The following MRC2 variants were observed in gnomAD, a reference collection of about 807,000 sequenced individuals.
MRC2 encodes mannose receptor C-type 2.
MRC2 carries 84 observed loss-of-function variants against 206.2 expected under a neutral mutation model. The ratio of observed to expected loss-of-function variants is 0.41; its 90% CI spans 0.34 to 0.49. The LOEUF is 0.49. Among genes scored for constraint, MRC2 ranks in the 20% least tolerant of loss-of-function variants. MRC2 has a pLI of 0.31. For synonymous variants in MRC2, 798 were observed against 800.0 expected, an observed-to-expected ratio of 1.00 and a Z score of 0.04; for missense variants, 1,676 against 2,001.5, an observed-to-expected ratio of 0.84 and a Z score of 3.10.
chr17:62,692,444 A>G lies in MRC2; in HGVS notation c.4433A>G (p.Gln1478Arg). The change falls in exon 30 of 30, where the codon CAA (glutamine) becomes CGA (arginine). Residue 1478 changes from glutamine to arginine, a missense_variant. Physicochemically the swap from Gln to Arg is conservative, Grantham distance 43 (BLOSUM62 1). This residue lies in a region of MRC2 where 1,354 missense variants were observed against 1,636.6 expected (regional missense o/e 0.83). Coordinates refer to ENST00000303375, the MANE Select transcript of MRC2 (RefSeq NM_006039.5). This position sits in a 1 kb window ranked among gnomAD's most constrained non-coding sequence, Gnocchi z 4.2. Reference sequence around the variant, plus strand: ...TCAGACATGGAAATGAATGAGCAACAAGAATAGAGCCAGGCGCGTGGGCAG... The same window carrying G: ...TCAGACATGGAAATGAATGAGCAACGAGAATAGAGCCAGGCGCGTGGGCAG... ...LVSDMEMNEQ[Q>R]E The G allele has an allele frequency of 6.4e-7, 1 of 1,559,112 alleles. No homozygotes were observed. The highest frequency in any genetic ancestry group is 8.7e-7 in the Non-Finnish European group (1 of 1,151,022).
intron 1 of MRC2, among the ~76,000 whole-genome samples, chr17:62,635,766 A>G (rs902808355): frequency 1.3e-5 from 2 of 152,004 alleles, no homozygotes; most frequent in Non-Finnish European, 2.9e-5. Context: ...CTGGGGCAAC[A>G]TAACAAGACC....
chr17:62,672,890 G>A lies in MRC2; in HGVS notation c.1461+738G>A, dbSNP rs531495175. On this transcript the variant is annotated intron_variant, in intron 8 of 29. Coordinates refer to ENST00000303375, the MANE Select transcript of MRC2 (RefSeq NM_006039.5). This position sits in a 1 kb window ranked among gnomAD's most constrained non-coding sequence, Gnocchi z 4.5. ...GCCTGTAATCCCAGCTACTCCAGAG[G>A]CTGAGGCAAGAGAATCGCTTGAACC... 5.3e-5 allele frequency among the ~76,000 whole-genome samples: 8 copies of A among 152,156 alleles called. No individual in the cohort carries two copies. In the South Asian group the frequency reaches 1.7e-3, roughly 32 times the overall value.
At chr17:62,644,523 A>G (rs924420398) in intron 1 of MRC2, among the ~76,000 whole-genome samples, 1 of 152,248 alleles carries the variant, frequency 6.6e-6, no homozygotes, top group Non-Finnish European at 1.5e-5. Flanking sequence ...CAACATAGCA[A>G]GACCCCATCT....
intron 20 of MRC2, among the ~76,000 whole-genome samples, chr17:62,683,028 G>A (rs530831738): frequency 1.3e-5 from 2 of 152,200 alleles, no homozygotes; most frequent in South Asian, 4.1e-4. Context: ...AACTATGTGT[G>A]TGTACATTTA....
In MRC2 at chr17:62,671,632, C is replaced by T. The variant is rs370643818; in HGVS notation, c.1118-17C>T. The T allele has an allele frequency of 3.9e-6, 6 of 1,550,062 alleles. No homozygotes were observed. In the African/African-American group the frequency reaches 8.2e-5, roughly 21 times the overall value. Reference sequence around the variant, plus strand: ...GGCGGCTCAGTCCCTGAGCAGCAGCCTCATGGGTCTCTGCAGACAGGTGGG... The same window carrying T: ...GGCGGCTCAGTCCCTGAGCAGCAGCTTCATGGGTCTCTGCAGACAGGTGGG... On this transcript the variant is annotated splice_polypyrimidine_tract_variant and intron_variant, in intron 6 of 29. Coordinates refer to ENST00000303375, the MANE Select transcript of MRC2 (RefSeq NM_006039.5). This position sits in a 1 kb window ranked among gnomAD's most constrained non-coding sequence, Gnocchi z 4.5.
chr17:62,648,242 A>G (rs771752660), intron 1 of MRC2, among the ~76,000 whole-genome samples: 1 of 152,212 alleles, frequency 6.6e-6, no homozygotes, highest in African/African-American at 2.4e-5. Context: ...CATCTCTACT[A>G]AAAATACAAA....
At chr17:62,648,370 G>T (rs1017005970) in intron 1 of MRC2, among the ~76,000 whole-genome samples, 1 of 152,222 alleles carries the variant, frequency 6.6e-6, no homozygotes, top group Non-Finnish European at 1.5e-5. Flanking sequence ...TCCTGGTGAG[G>T]GTCCCAGGTC....
chr17:62,666,897 G>A lies in MRC2; in HGVS notation c.973+27G>A, dbSNP rs1306134528. On this transcript the variant is annotated intron_variant, in intron 5 of 29. Coordinates refer to ENST00000303375, the MANE Select transcript of MRC2 (RefSeq NM_006039.5). The surrounding 1 kb of genome is among the most constrained non-coding windows in gnomAD (Gnocchi z 5.0). ...TGAGGCACAAGGTTGGGGGCGCAGG[G>A]CAGCATAGGGGCCCCGCGGGCTCTT... 7 of 1,595,712 alleles carry A rather than the reference G, an allele frequency of 4.4e-6. No individual in the cohort carries two copies. Among genetic ancestry groups the A allele is most frequent in the African/African-American group, 2.7e-5 (2 of 74,488 alleles).
intron 1 of MRC2, among the ~76,000 whole-genome samples, chr17:62,634,787 T>A (rs1220840838): frequency 6.6e-6 from 1 of 151,970 alleles, no homozygotes; most frequent in Non-Finnish European, 1.5e-5. Flanking sequence ...ACCCAGCCCC[T>A]TTTAAAGATG....
At position 62,678,587 on chromosome 17, in the gene MRC2, G is replaced by A. The variant is rs771092238; in HGVS notation, c.2136G>A (p.Leu712=). The change falls in exon 13 of 30, where the codon CTG becomes CTA. Residue 712 remains leucine, a synonymous_variant. Transcript: ENST00000303375. ...GCCAGGAGCTGGGGGCCCAGCTGCT[G>A]AGCCTGGCCAGCTACGAGGAGGAGC... ...GACQELGAQL[L]SLASYEEEHF... is the part of the protein sequence containing the mutation. 1 of 1,609,614 alleles carries A rather than the reference G, an allele frequency of 6.2e-7. No homozygotes were observed. The highest frequency in any genetic ancestry group is 1.3e-5 in the African/African-American group (1 of 74,538).
chr17:62,668,358 A>G (rs1032397493), intron 6 of MRC2, among the ~76,000 whole-genome samples: 3 of 151,332 alleles, frequency 2.0e-5, no homozygotes, highest in African/African-American at 4.9e-5. Flanking sequence ...CCCTGCCTCA[A>G]AAAATAAATA....
At chr17:62,681,803 G>C in intron 18 of MRC2, 34 bp from the exon 19 acceptor site, 1 of 1,548,786 alleles carries the variant, frequency 6.5e-7, no homozygotes, top group Non-Finnish European at 8.9e-7. Context: ...CTGGGGGCCG[G>C]TGCTGGAGTT....
chr17:62,632,322 C>G (rs1214836054), intron 1 of MRC2, among the ~76,000 whole-genome samples: 1 of 152,108 alleles, frequency 6.6e-6, no homozygotes, highest in Non-Finnish European at 1.5e-5. Flanking sequence ...GCACTTCCCC[C>G]TGGCCCCTCG....
chr17:62,680,772 C>T lies in MRC2; in HGVS notation c.2474-28C>T, dbSNP rs760646801. 3.2e-6 allele frequency: 5 copies of T among 1,550,904 alleles called. No homozygotes were observed. The highest frequency in any genetic ancestry group is 1.9e-5 in the Admixed American group (1 of 53,464). ...TGGCGTGCAGCCTCTGCCTGGCCGC[C>T]GCTCCCACGCCCGCGCTGCTCCTGC... On this transcript the variant is annotated intron_variant, in intron 16 of 29. Transcript: ENST00000303375. The surrounding 1 kb of genome is among the most constrained non-coding windows in gnomAD (Gnocchi z 4.8).
chr17:62,677,982 G>A (rs1363526091), intron 12 of MRC2, among the ~76,000 whole-genome samples: 3 of 152,132 alleles, frequency 2.0e-5, no homozygotes, highest in East Asian at 1.9e-4. Context: ...CCCAGGAGGC[G>A]GAGCTTGCAG....
rs2084179301 is a variant in MRC2, at chr17:62,627,730, G to A, written c.-73G>A. 1.6e-6 allele frequency: 2 copies of A among 1,215,888 alleles called. No individual in the cohort carries two copies. Among genetic ancestry groups the A allele is most frequent in the South Asian group, 4.1e-5 (2 of 49,370 alleles). The allele number at this position is 1,215,888 out of a possible 1,614,324, so 75.3% of individuals were successfully genotyped here. ...CCTTGCGGGCGGTCATCACAGCCCA[G>A]CCTCGGGGCTGCCACAGCGCGTTGC... On this transcript the variant is annotated 5_prime_UTR_variant, in exon 1 of 30. Coordinates refer to ENST00000303375, the MANE Select transcript of MRC2 (RefSeq NM_006039.5).
At position 62,692,351 on chromosome 17, in the gene MRC2, T is replaced by C. The variant is rs962682455; in HGVS notation, c.4340T>C (p.Phe1447Ser). ...RRRQSIERGA[F>S]EGARYSRSSS... ...CGCCAGAGCATCGAGCGCGGGGCCT[T>C]TGAGGGTGCCCGCTACAGCCGCAGC... The change falls in exon 30 of 30, where the codon TTT (phenylalanine) becomes TCT (serine). Residue 1447 changes from phenylalanine (F) to serine (S), a missense_variant. Transcript: ENST00000303375. This position sits in a 1 kb window ranked among gnomAD's most constrained non-coding sequence, Gnocchi z 4.2. 4 of 1,575,104 alleles carry C rather than the reference T, an allele frequency of 2.5e-6. No homozygotes were observed. The highest frequency in any genetic ancestry group is 1.7e-6 in the Non-Finnish European group (2 of 1,160,468).
intron 1 of MRC2, among the ~76,000 whole-genome samples, chr17:62,638,842 C>CCTGGAGTTCAAGGTTGCAGTGAG (rs1437636155): frequency 6.6e-6 from 1 of 152,012 alleles, no homozygotes; most frequent in Non-Finnish European, 1.5e-5. Flanking sequence ...AACTCCTAAC[C>CCTGGAGTTCAAGGTTGCAGTGAG]CTGGAGGCCG....
In MRC2 at chr17:62,664,585, G is replaced by C; in HGVS notation, c.156G>C (p.Gln52His). The C allele has an allele frequency of 3.1e-6, 5 of 1,613,386 alleles. No individual in the cohort carries two copies. The highest frequency in any genetic ancestry group is 4.2e-6 in the Non-Finnish European group (5 of 1,179,960). The change falls in exon 2 of 30, where the codon CAG becomes CAC. Residue 52 changes from glutamine to histidine, a missense_variant. Physicochemically the swap from Gln to His is conservative, Grantham distance 24 (BLOSUM62 0). Coordinates refer to ENST00000303375, the MANE Select transcript of MRC2 (RefSeq NM_006039.5). The surrounding 1 kb of genome is among the most constrained non-coding windows in gnomAD (Gnocchi z 4.7). Reference sequence around the variant, plus strand: ...TCCTCATCTTCAGCCATGGACTGCAGGGCTGCCTGGAGGCCCAGGGCGGGC... The same window carrying C: ...TCCTCATCTTCAGCCATGGACTGCACGGCTGCCTGGAGGCCCAGGGCGGGC... ...NVFLIFSHGL[Q>H]GCLEAQGGQV...
Sources: allele counts gnomAD v4.1 joint callset (sites outside exome capture counted in the v4.1 genomes callset), GRCh38; gene constraint gnomAD v4.1.1; regional missense constraint gnomAD v4.1.1; non-coding constraint Gnocchi (gnomAD v3.1); transcripts MANE v1.5; gene names NCBI Gene and HGNC (gene_info 2026-07-23, HGNC 2026-07-21).